The following ATP11A variants were observed in gnomAD, a reference collection of about 807,000 sequenced individuals.
The protein encoded by ATP11A is phospholipid-transporting ATPase IH.
ATP11A carries 81 observed loss-of-function variants against 154.4 expected under a neutral mutation model. That is an observed-to-expected ratio of 0.52 (90% CI 0.44 to 0.63). ATP11A has a LOEUF of 0.63. Ranked by LOEUF, ATP11A falls within the 30% of genes least tolerant of loss-of-function variation. The probability of loss-of-function intolerance (pLI) is 0.00; values close to 1 mark genes in which losing one functional copy is unlikely to be tolerated. For synonymous variants in ATP11A, 623 were observed against 585.9 expected, an observed-to-expected ratio of 1.06 and a Z score of -0.91; for missense variants, 1,316 against 1,474.3, an observed-to-expected ratio of 0.89 and a Z score of 1.76.
intron 12 of ATP11A, among the ~76,000 whole-genome samples, chr13:112,829,202 G>A (rs575599772): frequency 6.6e-6 from 1 of 152,312 alleles, no homozygotes; most frequent in African/African-American, 2.4e-5. Context: ...TGTAGTGAGG[G>A]CCATCTTTTG....
chr13:112,819,176 T>C, intron 6 of ATP11A, 128 bp from the exon 7 acceptor site: 1 of 761,624 alleles, frequency 1.3e-6, no homozygotes, highest in Middle Eastern at 3.4e-4. Flanking sequence ...CTTATCTTTC[T>C]GTAACTATTA....
At chr13:112,855,774 G>T (rs1454352440) in intron 19 of ATP11A, 137 bp from the exon 20 acceptor site, 1 of 747,262 alleles carries the variant, frequency 1.3e-6, no homozygotes, top group Admixed American at 3.0e-5. Flanking sequence ...TATAAAAATT[G>T]TATTGGTAAA....
chr13:112,852,787 G>GA (rs1413887643), intron 18 of ATP11A, among the ~76,000 whole-genome samples: 2 of 145,130 alleles, frequency 1.4e-5, no homozygotes, highest in African/African-American at 5.4e-5. Flanking sequence ...CTGGTTGGCG[G>GA]GGGGGGATCT....
intron 22 of ATP11A, chr13:112,858,662 T>A (rs1160069503): frequency 5.5e-6 from 1 of 183,320 alleles, no homozygotes; most frequent in Non-Finnish European, 1.2e-5. Context: ...GTGTGTACAC[T>A]ACCTGCCCCT....
At chr13:112,871,879 C>G (rs1594241129) in intron 26 of ATP11A, 79 bp downstream of exon 26, 2 of 1,423,514 alleles carry the variant, frequency 1.4e-6, no homozygotes, top group South Asian at 1.2e-5. Flanking sequence ...TCTGAGCTCT[C>G]TGAATTATAA....
intron 12 of ATP11A, among the ~76,000 whole-genome samples, chr13:112,828,759 A>T (rs952842399): frequency 6.6e-6 from 1 of 152,204 alleles, no homozygotes; most frequent in African/African-American, 2.4e-5. Context: ...TACACAAAGA[A>T]GTGTGTACTG....
At position 112,810,666 on chromosome 13, in the gene ATP11A, GTGTC is replaced by G; in HGVS notation, c.382_385del (p.Cys128LeufsTer36). 1.9e-6 allele frequency: 3 copies of G among 1,614,120 alleles called. No homozygotes were observed. On this transcript the variant is annotated frameshift_variant, in exon 5 of 30. Transcript: ENST00000375645. LOFTEE classifies it high-confidence loss of function. ...ATAAAGCAGACAATGCCATGAACCA[GTGTC>G]CTGTTCATTTCATTCAGCACGGCAA... is the stretch of plus-strand genomic sequence containing the variant.
chr13:112,795,056 C>T (rs934380879), intron 2 of ATP11A, among the ~76,000 whole-genome samples: 12 of 151,944 alleles, frequency 7.9e-5, no homozygotes, highest in African/African-American at 2.2e-4. Flanking sequence ...TCAGCCTGGG[C>T]AACATGGTGA....
intron 2 of ATP11A, among the ~76,000 whole-genome samples, chr13:112,789,245 A>G (rs991161629): frequency 7.3e-5 from 11 of 149,744 alleles, no homozygotes; most frequent in Non-Finnish European, 1.5e-4. Context: ...CTTAATCCAC[A>G]CCGGGTGTCC....
chr13:112,734,621 GA>G (rs996478043), intron 1 of ATP11A, among the ~76,000 whole-genome samples: 4 of 152,172 alleles, frequency 2.6e-5, no homozygotes, highest in African/African-American at 9.7e-5. Context: ...TCGAAAATGT[GA>G]CCCAATGCTT....
chr13:112,873,007 AGCG>A (rs2080581490), intron 26 of ATP11A, among the ~76,000 whole-genome samples: 9 of 142,666 alleles, frequency 6.3e-5, no homozygotes, highest in African/African-American at 2.3e-4. Flanking sequence ...TGTCTTCCTG[AGCG>A]GTGTGAGGTG....
rs1566583519 is a variant in ATP11A, at chr13:112,860,287, A to T, written c.2728A>T (p.Thr910Ser). The change falls in exon 24 of 30, where the codon ACT (threonine) becomes TCT (serine). Residue 910 changes from threonine (T) to serine (S), a missense_variant and splice_region_variant. Physicochemically the swap from Thr to Ser is moderately conservative, Grantham distance 58 (BLOSUM62 1). Transcript: ENST00000375645. Reference protein sequence around the residue: ...YQFFCGFSQQTLYDTAYLTLY... With the variant: ...YQFFCGFSQQSLYDTAYLTLY... ...ACTTCTTGTGACTTTCCTCTTACAG[A>T]CTTTGTACGACACCGCGTATCTGAC... is the stretch of plus-strand genomic sequence containing the variant. The T allele has an allele frequency of 6.2e-7, 1 of 1,613,100 alleles. No homozygotes were observed. Among genetic ancestry groups the T allele is most frequent in the Non-Finnish European group, 8.5e-7 (1 of 1,179,434 alleles).
In ATP11A at chr13:112,882,764, GT is replaced by G. The variant is rs1594273438; in HGVS notation, c.*900del. Reference sequence around the variant, plus strand: ...CAGGGCACGGAGCCGTCAGTCCACTGTTACGGGAGAATGTTGATTTCGCGGG... The same window carrying G: ...CAGGGCACGGAGCCGTCAGTCCACTGTACGGGAGAATGTTGATTTCGCGGG... On this transcript the variant is annotated 3_prime_UTR_variant, in exon 30 of 30. Coordinates refer to ENST00000375645, the MANE Select transcript of ATP11A (RefSeq NM_015205.3). The surrounding 1 kb of genome is among the most constrained non-coding windows in gnomAD (Gnocchi z 5.1). 21 of 399,572 alleles carry G rather than the reference GT, an allele frequency of 5.3e-5. No homozygotes were observed. In the East Asian group the frequency reaches 7.5e-4, roughly 14 times the overall value. The allele number at this position is 399,572 out of a possible 1,614,324, so 24.8% of individuals were successfully genotyped here. A position where few individuals can be genotyped will look rare whatever the true frequency, so the allele number is the denominator to read the frequency against.
At chr13:112,812,652 C>T (rs2078533833) in intron 5 of ATP11A, among the ~76,000 whole-genome samples, 1 of 152,274 alleles carries the variant, frequency 6.6e-6, no homozygotes, top group South Asian at 2.1e-4. Context: ...CACCGCTCAC[C>T]TTGCTCTCAC....
chr13:112,812,138 T>G (rs1328500047), intron 5 of ATP11A: 2 of 152,234 alleles, frequency 1.3e-5, no homozygotes, highest in Admixed American at 6.5e-5. Context: ...TTTCAAAATA[T>G]GTGATTAAAT....
chr13:112,761,485 CA>C (rs767707823), intron 1 of ATP11A, among the ~76,000 whole-genome samples: 1 of 152,182 alleles, frequency 6.6e-6, no homozygotes, highest in African/African-American at 2.4e-5. Context: ...TAAACTTTAT[CA>C]GGGGTGTGTG....
chr13:112,695,215 G>T (rs1885663961), intron 1 of ATP11A, among the ~76,000 whole-genome samples: 1 of 152,180 alleles, frequency 6.6e-6, no homozygotes, highest in South Asian at 2.1e-4. Flanking sequence ...AGCTGCCAAG[G>T]TCTTCAGGTA....
intron 29 of ATP11A, 58 bp from the exon 30 acceptor site, chr13:112,881,818 T>C (rs1290177): frequency 0.53 from 730,055 of 1,366,656 alleles, 195,583 homozygotes; most frequent in East Asian, 0.58. Context: ...CTCAGCAGAA[T>C]GGGTGCGCAC....
chr13:112,806,581 G>C (rs557816834), intron 4 of ATP11A, among the ~76,000 whole-genome samples: 23 of 152,116 alleles, frequency 1.5e-4, no homozygotes, highest in Admixed American at 5.2e-4. Flanking sequence ...TAACCTTTCT[G>C]TATCCTTGAC....
Sources: gnomAD v4.1 joint callset for allele counts (sites outside exome capture counted in the v4.1 genomes callset) on GRCh38, gnomAD v4.1.1 for gene constraint, Gnocchi (gnomAD v3.1) non-coding constraint, MANE v1.5 for transcripts, NCBI Gene and HGNC (gene_info 2026-07-23, HGNC 2026-07-21) for gene names.